C13orf42: variants seen among roughly 807,000 people sequenced by gnomAD.
C13orf42 encodes the protein chromosome 13 open reading frame 42.
In C13orf42 at chr13:51,128,658, C is replaced by T. The variant is rs188713787; in HGVS notation, n.137-15436G>A. 1.4e-4 allele frequency among the ~76,000 whole-genome samples: 21 copies of T among 152,306 alleles called. No homozygotes were observed. The East Asian group carries it at 4.0e-3, about 29-fold the overall frequency. On this transcript the variant is annotated intron_variant and non_coding_transcript_variant, in intron 1 of 4. Transcript: ENST00000433280. ...AGACCCCTCTCAGTAAAGTCCCTCT[C>T]GGCTAAGAACAGATTTGGCACTATG...
chr13:51,152,306 TTA>T (rs567571030), intron 1 of C13orf42, among the ~76,000 whole-genome samples: 160 of 152,320 alleles, frequency 1.1e-3, no homozygotes, highest in African/African-American at 3.3e-3. Flanking sequence ...TTAGCAGGCT[TTA>T]TTTTATAAAC....
At chr13:51,172,067 CACAAGA>C (rs1372891639) in intron 1 of C13orf42, 1 of 152,170 alleles carries the variant, frequency 6.6e-6, no homozygotes, top group East Asian at 1.9e-4. Context: ...GTCTCCAGCA[CACAAGA>C]ACTTCCAAAC....
At chr13:51,146,721 A>C (rs1953739103) in intron 1 of C13orf42, among the ~76,000 whole-genome samples, 1 of 152,246 alleles carries the variant, frequency 6.6e-6, no homozygotes, top group African/African-American at 2.4e-5. Flanking sequence ...GCTCTTCCAA[A>C]GGAGGCAATC....
Position 51,082,212 on chromosome 13 carries a change from C to T in C13orf42, c.*1939G>A, listed in dbSNP as rs145844538. On this transcript the variant is annotated 3_prime_UTR_variant, in exon 4 of 4. Transcript: ENST00000563710. ...AAGATTCCCCAGGCAGAGCACAGAT[C>T]CTTGGGTTTATCACCAACTTCAAAC... 1 of 152,334 alleles carries T rather than the reference C, an allele frequency of 6.6e-6. No homozygotes were observed. The highest frequency in any genetic ancestry group is 1.5e-5 in the Non-Finnish European group (1 of 68,032). 9.4% of individuals were successfully genotyped at this position (152,334 alleles called of 1,614,324 possible).
chr13:51,172,372 C>A lies in C13orf42; in HGVS notation n.17G>T, dbSNP rs560267332. On this transcript the variant is annotated non_coding_transcript_exon_variant, in exon 1 of 5. Transcript: ENST00000433280. Reference sequence around the variant, plus strand: ...ACTGCCGGATCACCTCGGAAGCCCCCTAGACAGTCACTGACGCCGAGCTTC... The same window carrying A: ...ACTGCCGGATCACCTCGGAAGCCCCATAGACAGTCACTGACGCCGAGCTTC... The A allele has an allele frequency of 3.3e-5, 5 of 152,086 alleles. No individual in the cohort carries two copies. The East Asian group carries it at 7.7e-4, about 23-fold the overall frequency. The allele number at this position is 152,086 out of a possible 1,614,324, so 9.4% of individuals were successfully genotyped here. A position where few individuals can be genotyped will look rare whatever the true frequency, so the allele number is the denominator to read the frequency against.
chr13:51,145,785 C>T (rs1476167437), intron 1 of C13orf42, among the ~76,000 whole-genome samples: 1 of 152,066 alleles, frequency 6.6e-6, no homozygotes, highest in Non-Finnish European at 1.5e-5. Flanking sequence ...TCCAGTCTTC[C>T]TGCCTTTGCT....
chr13:51,121,322 T>C (rs1953533666), intron 1 of C13orf42, among the ~76,000 whole-genome samples: 1 of 152,142 alleles, frequency 6.6e-6, no homozygotes, highest in Non-Finnish European at 1.5e-5. Flanking sequence ...CCACATTTAA[T>C]ACTTGTTAGA....
upstream of C13orf42, among the ~76,000 whole-genome samples, chr13:51,114,845 T>C (rs1953474391): frequency 6.6e-6 from 1 of 152,186 alleles, no homozygotes; most frequent in African/African-American, 2.4e-5. Flanking sequence ...TAATAATGTG[T>C]TGTATTTGAG....
chr13:51,153,562 G>A (rs1953798255), intron 1 of C13orf42, among the ~76,000 whole-genome samples: 1 of 148,586 alleles, frequency 6.7e-6, no homozygotes, highest in African/African-American at 2.5e-5. Context: ...CATTTTAAGT[G>A]TACTGCTCAG....
At position 51,084,238 on chromosome 13, in the gene C13orf42, C is replaced by T; in HGVS notation, c.891G>A (p.Leu297=). The T allele has an allele frequency of 2.5e-6, 1 of 398,734 alleles. No individual in the cohort carries two copies. The highest frequency in any genetic ancestry group is 4.4e-5 in the Admixed American group (1 of 22,742). The allele number at this position is 398,734 out of a possible 1,614,324, so 24.7% of individuals were successfully genotyped here. The change falls in exon 4 of 4, where the codon TTG becomes TTA. Residue 297 remains leucine (L), a synonymous_variant. Transcript: ENST00000563710. The part of the protein sequence containing the change: ...DAELFALEPQ[L]SPGEDYYETE... ...TCTCATAGTAGTCCTCCCCAGGAGACAACTGGGGCTCCAACGCAAAGAGCT... is the reference window on the plus strand; with the variant it reads ...TCTCATAGTAGTCCTCCCCAGGAGATAACTGGGGCTCCAACGCAAAGAGCT...
In C13orf42 at chr13:51,083,918, C is replaced by T. The variant is rs943780539; in HGVS notation, c.*233G>A. On this transcript the variant is annotated 3_prime_UTR_variant, in exon 4 of 4. Transcript: ENST00000563710. ...CTTGAAGACCAGCCAGGCTGTAAGT[C>T]CCTGGTCATCAGCCCACGCAGAGAA... is the stretch of plus-strand genomic sequence containing the variant. 4.0e-4 allele frequency: 140 copies of T among 347,724 alleles called. No individual in the cohort carries two copies. Among genetic ancestry groups the T allele is most frequent in the Admixed American group, 6.2e-4 (13 of 20,992 alleles). 21.5% of individuals were successfully genotyped at this position (347,724 alleles called of 1,614,324 possible). A position where few individuals can be genotyped will look rare whatever the true frequency, so the allele number is the denominator to read the frequency against.
At chr13:51,136,125 C>T (rs1039187717) in intron 1 of C13orf42, among the ~76,000 whole-genome samples, 9 of 152,122 alleles carry the variant, frequency 5.9e-5, no homozygotes, top group East Asian at 1.9e-4. Flanking sequence ...TCCCACTGGG[C>T]GACCCCACAA....
At chr13:51,086,790 T>C (rs1457740967) in intron 2 of C13orf42, among the ~76,000 whole-genome samples, 3 of 152,174 alleles carry the variant, frequency 2.0e-5, no homozygotes, top group African/African-American at 7.2e-5. Context: ...CTGAATTTCC[T>C]AGGCCCCCTC....
chr13:51,115,386 C>T (rs1047448233), upstream of C13orf42, among the ~76,000 whole-genome samples: 2 of 152,204 alleles, frequency 1.3e-5, no homozygotes, highest in Admixed American at 6.5e-5. Context: ...CACCCTGTCC[C>T]TTTCAGGCAT....
chr13:51,121,352 A>G (rs550303014), intron 1 of C13orf42, among the ~76,000 whole-genome samples: 1 of 152,276 alleles, frequency 6.6e-6, no homozygotes, highest in Non-Finnish European at 1.5e-5. Context: ...GAGAAAAATG[A>G]TACCTGGGGT....
chr13:51,090,470 A>G lies in C13orf42; in HGVS notation c.415-2395T>C, dbSNP rs1216113796. Among the ~76,000 whole-genome samples, 3 of 152,128 alleles carry G rather than the reference A, an allele frequency of 2.0e-5. No homozygotes were observed. The South Asian group carries it at 6.2e-4, about 32-fold the overall frequency. On this transcript the variant is annotated intron_variant, in intron 1 of 3. Transcript: ENST00000563710. ...CCTGAGGAAGGATGGGTATTATTTA[A>G]TAGTAATGCAAGGTCCATGGTGGTT...
chr13:51,085,878 A>G (rs548419950), intron 2 of C13orf42, among the ~76,000 whole-genome samples: 1 of 152,234 alleles, frequency 6.6e-6, no homozygotes, highest in South Asian at 2.1e-4. Flanking sequence ...GTGAAACCCC[A>G]TCTCTATTAA....
chr13:51,128,514 C>A (rs1427610781), intron 1 of C13orf42, among the ~76,000 whole-genome samples: 2 of 152,154 alleles, frequency 1.3e-5, no homozygotes, highest in Non-Finnish European at 2.9e-5. Flanking sequence ...GTTAAAGTCT[C>A]TCCTAAGACA....
At chr13:51,141,093 G>GAGGT (rs1953691948) in intron 1 of C13orf42, among the ~76,000 whole-genome samples, 1 of 79,150 alleles carries the variant, frequency 1.3e-5, no homozygotes, top group Non-Finnish European at 2.6e-5. Context: ...ACATCGAAGG[G>GAGGT]AGGTGTGTGT....
Sources: gnomAD v4.1 joint callset for allele counts (sites outside exome capture counted in the v4.1 genomes callset) on GRCh38, gnomAD v4.1.1 for gene constraint, MANE v1.5 for transcripts, NCBI Gene and HGNC (gene_info 2026-07-23, HGNC 2026-07-21) for gene names.